Variants in MROH9 observed in about 807,000 individuals in gnomAD.
MROH9 encodes the protein maestro heat like repeat family member 9, also known as maestro heat-like repeat-containing protein family member 9.
A neutral mutation model predicts 98.2 loss-of-function variants in MROH9; 92 were observed. That is an observed-to-expected ratio of 0.94 (90% confidence interval 0.79 to 1.11). The LOEUF is 1.11. MROH9 is among the 50% of genes most tolerant of loss of function. MROH9 has a pLI of 0.00. For synonymous variants in MROH9, 397 were observed against 368.9 expected (o/e 1.08, Z -0.87); for missense variants, 1,057 against 1,014.8 (o/e 1.04, Z -0.57).
intron 1 of MROH9, among the ~76,000 whole-genome samples, chr1:170,938,666 T>A (rs1648993672): frequency 6.6e-6 from 1 of 152,178 alleles, no homozygotes; most frequent in African/African-American, 2.4e-5. Flanking sequence ...GATAAGGCAT[T>A]CTATAAGTCC....
At chr1:171,021,601 CTT>C (rs1438584610) in intron 17 of MROH9, among the ~76,000 whole-genome samples, 1 of 151,616 alleles carries the variant, frequency 6.6e-6, no homozygotes, top group Non-Finnish European at 1.5e-5. Context: ...TTAAACAAAA[CTT>C]AACATGGCTT....
At chr1:171,025,731 A>G (rs1652687148) in intron 20 of MROH9, among the ~76,000 whole-genome samples, 1 of 152,218 alleles carries the variant, frequency 6.6e-6, no homozygotes, top group Non-Finnish European at 1.5e-5. Flanking sequence ...AAAGAATAAG[A>G]ATAATTTAAA....
intron 3 of MROH9, among the ~76,000 whole-genome samples, chr1:170,954,184 T>G (rs28736690): frequency 0.042 from 6,433 of 152,194 alleles, 408 homozygotes; most frequent in African/African-American, 0.14. Context: ...CACTCACACA[T>G]TTCCAATCCA....
At chr1:171,060,122 C>A (rs531283719) in intron 20 of MROH9, among the ~76,000 whole-genome samples, 2 of 151,834 alleles carry the variant, frequency 1.3e-5, no homozygotes, top group South Asian at 2.1e-4. Flanking sequence ...ACCATGTAAC[C>A]AAATACCACC....
At chr1:170,990,789 C>A (rs1401190500) in intron 11 of MROH9, among the ~76,000 whole-genome samples, 1 of 152,104 alleles carries the variant, frequency 6.6e-6, no homozygotes, top group Non-Finnish European at 1.5e-5. Flanking sequence ...TGCTAAATTT[C>A]CTCATCTAGA....
rs143810666 is a variant in MROH9, at chr1:171,011,591, A to T, written c.1597-2526A>T. On this transcript the variant is annotated intron_variant, in intron 15 of 21. Coordinates refer to ENST00000367759, the MANE Select transcript of MROH9 (RefSeq NM_001163629.2). ...CTGGGTCTCTACTAGATGGGCTATTAAAATCACCAAGAAATATTTTTTAAG... is the reference window on the plus strand; with the variant it reads ...CTGGGTCTCTACTAGATGGGCTATTTAAATCACCAAGAAATATTTTTTAAG... 4.0e-3 allele frequency among the ~76,000 whole-genome samples: 611 copies of T among 152,312 alleles called. 9 individuals carry two copies. Among genetic ancestry groups the T allele is most frequent in the African/African-American group, 0.014 (573 of 41,566 alleles).
chr1:170,957,316 TG>T (rs1321929680), intron 3 of MROH9, among the ~76,000 whole-genome samples: 1 of 152,182 alleles, frequency 6.6e-6, no homozygotes, highest in Non-Finnish European at 1.5e-5. Context: ...TCTTTACATT[TG>T]TCTTTAACCC....
In MROH9 at chr1:170,961,884, T is replaced by C. The variant is rs1217920294; in HGVS notation, c.289-6T>C. ...TGGCTGACTGTGCAATGTTTTTGTG[T>C]TTCAGAATTTATACCACAATATTTT... On this transcript the variant is annotated splice_region_variant and splice_polypyrimidine_tract_variant and intron_variant, in intron 5 of 21. Coordinates refer to ENST00000367759, the MANE Select transcript of MROH9 (RefSeq NM_001163629.2). The C allele has an allele frequency of 2.1e-6, 3 of 1,416,198 alleles. No individual in the cohort carries two copies. Among genetic ancestry groups the C allele is most frequent in the Non-Finnish European group, 2.9e-6 (3 of 1,045,772 alleles). The allele number at this position is 1,416,198 out of a possible 1,614,324, so 87.7% of individuals were successfully genotyped here.
chr1:170,943,381 C>A (rs1051439437), intron 1 of MROH9, among the ~76,000 whole-genome samples: 16 of 151,648 alleles, frequency 1.1e-4, no homozygotes, highest in African/African-American at 3.9e-4. Context: ...CTGAGGTAAG[C>A]TAGAAAGACT....
chr1:170,963,752 T>C (rs1157330240), intron 6 of MROH9, among the ~76,000 whole-genome samples: 1 of 152,136 alleles, frequency 6.6e-6, no homozygotes, highest in Non-Finnish European at 1.5e-5. Flanking sequence ...AAATACTGCA[T>C]GTTCTCACTT....
At chr1:170,971,656 C>T (rs1039796923) in intron 7 of MROH9, 92 bp from the exon 8 acceptor site, 2 of 1,396,508 alleles carry the variant, frequency 1.4e-6, no homozygotes, top group Non-Finnish European at 9.9e-7. Context: ...TCTTAGAATC[C>T]TAGTCTGATT....
chr1:171,037,011 G>T (rs1451425126), intron 20 of MROH9, among the ~76,000 whole-genome samples: 6 of 151,364 alleles, frequency 4.0e-5, no homozygotes, highest in African/African-American at 7.2e-5. Context: ...GTTTATGAAA[G>T]GACACACAAG....
At chr1:170,960,234 GGCT>G (rs1354047341) in intron 5 of MROH9, among the ~76,000 whole-genome samples, 1 of 152,140 alleles carries the variant, frequency 6.6e-6, no homozygotes, top group Admixed American at 6.6e-5. Context: ...CAGATTTGTA[GGCT>G]GCTATTTTTT....
intron 15 of MROH9, among the ~76,000 whole-genome samples, chr1:171,012,755 G>T (rs921160383): frequency 3.3e-5 from 5 of 151,956 alleles, no homozygotes; most frequent in Non-Finnish European, 2.9e-5. Flanking sequence ...CGCCCGCCTT[G>T]GCCTCCCAAA....
chr1:171,049,252 A>C (rs1292899746), intron 20 of MROH9, among the ~76,000 whole-genome samples: 1 of 152,164 alleles, frequency 6.6e-6, no homozygotes, highest in Non-Finnish European at 1.5e-5. Context: ...TTTTAACTTC[A>C]TATCTCTGAA....
chr1:171,021,411 T>C (rs188931114), intron 17 of MROH9, among the ~76,000 whole-genome samples: 1 of 151,862 alleles, frequency 6.6e-6, no homozygotes, highest in South Asian at 2.1e-4. Context: ...CCAAAACAGG[T>C]ATATAGACCA....
At chr1:170,961,207 G>A (rs1172561211) in intron 5 of MROH9, among the ~76,000 whole-genome samples, 1 of 152,086 alleles carries the variant, frequency 6.6e-6, no homozygotes, top group Non-Finnish European at 1.5e-5. Flanking sequence ...CATTCTAAAA[G>A]ACAGTGGAAA....
At chr1:170,994,060 CTT>C (rs1651463823) in intron 12 of MROH9, among the ~76,000 whole-genome samples, 1 of 152,146 alleles carries the variant, frequency 6.6e-6, no homozygotes, top group South Asian at 2.1e-4. Flanking sequence ...ACTGTATTGA[CTT>C]TGTGTGTAAG....
At chr1:170,972,835 C>CACAT (rs764328979) in intron 8 of MROH9, among the ~76,000 whole-genome samples, 4,743 of 142,522 alleles carry the variant, frequency 0.033, 193 homozygotes, top group East Asian at 0.11. Context: ...AAAATACACA[C>CACAT]ACACACACAC....
Sources: gnomAD v4.1 joint callset for allele counts (sites outside exome capture counted in the v4.1 genomes callset) on GRCh38, gnomAD v4.1.1 for gene constraint, MANE v1.5 for transcripts, NCBI Gene and HGNC (gene_info 2026-07-23, HGNC 2026-07-21) for gene names.